RAB3IL1: variants seen among roughly 807,000 people sequenced by gnomAD.
The protein encoded by RAB3IL1 is guanine nucleotide exchange factor for Rab-3A.
Under a neutral mutation model 49.2 loss-of-function variants are expected in RAB3IL1, and 37 were observed. The observed-to-expected ratio is 0.75, with a 90% CI of 0.58 to 0.99. The LOEUF (loss-of-function observed/expected upper bound fraction) is 0.99. Among genes scored for constraint, RAB3IL1 ranks in the 50% least tolerant of loss-of-function variants. RAB3IL1 has a pLI of 0.00. For missense variants in RAB3IL1, 484 were observed against 513.0 expected (o/e 0.94, Z 0.55); for synonymous variants, 193 against 213.9 (o/e 0.90, Z 0.85).
In RAB3IL1 at chr11:61,904,559, A is replaced by G. The variant is rs772873803; in HGVS notation, c.886T>C (p.Cys296Arg). ...LPTVKVAEVD[C>R]SSTNTCALSG... ...CCCTCAGCTTACTTGGTGCTGCTAC[A>G]GTCAACCTCGGCCACCTTCACTGTG... Residue 296 changes from cysteine (C) to arginine (R), a missense_variant, in exon 7 of 10, where the codon TGT becomes CGT. Cys to Arg is a radical substitution (Grantham distance 180). Transcript: ENST00000394836. The G allele has an allele frequency of 9.9e-6, 16 of 1,611,016 alleles. No homozygotes were observed. The highest frequency in any genetic ancestry group is 4.4e-5 in the South Asian group (4 of 90,322).
rs376772201 is a variant in RAB3IL1 at position 61,904,756 on chromosome 11, C to T, written c.784G>A (p.Glu262Lys). 43 of 1,602,714 alleles carry T rather than the reference C, an allele frequency of 2.7e-5. No homozygotes were observed. The African/African-American group carries it at 4.5e-4, about 17-fold the overall frequency. ...VGPCLDFTMQELSVLVRAAVE... is the reference protein window; with the variant it reads ...VGPCLDFTMQKLSVLVRAAVE... Reference sequence around the variant, plus strand: ...GCCCCGCCCCTGCCATGCCTCACCTCCTGCATTGTGAAGTCCAGGCAGGGG... The same window carrying T: ...GCCCCGCCCCTGCCATGCCTCACCTTCTGCATTGTGAAGTCCAGGCAGGGG... Residue 262 changes from glutamate (E) to lysine (K), a missense_variant and splice_region_variant, in exon 6 of 10, where the codon GAG (glutamate) becomes AAG (lysine). By Grantham distance (56) the Glu-to-Lys change is moderately conservative (BLOSUM62 1). Transcript: ENST00000394836.
upstream of RAB3IL1, chr11:61,920,018 C>T: frequency 8.1e-7 from 1 of 1,240,954 alleles, no homozygotes; most frequent in Non-Finnish European, 1.0e-6. Context: ...CCCTCCCCTC[C>T]ATGCCCCAGG....
intron 7 of RAB3IL1, among the ~76,000 whole-genome samples, chr11:61,902,798 G>A (rs911098101): frequency 2.0e-5 from 3 of 152,182 alleles, no homozygotes; most frequent in African/African-American, 7.2e-5. Context: ...AGAGAGCTTG[G>A]TTAATCTCAT....
At chr11:61,934,443 T>TGTGTGTA in the RAB3IL1 span, among the ~76,000 whole-genome samples, 3 of 16,986 alleles carry the variant, frequency 1.8e-4, no homozygotes, top group Non-Finnish European at 3.0e-4. Flanking sequence ...TGTGTGTGTG[T>TGTGTGTA]GTGTATGTAT....
the RAB3IL1 span, among the ~76,000 whole-genome samples, chr11:61,938,713 G>A: frequency 6.6e-6 from 1 of 152,008 alleles, no homozygotes; most frequent in Admixed American, 6.6e-5. Flanking sequence ...ATCACCTGAG[G>A]TCAGGAATTC....
At chr11:61,904,313 G>A (rs1209842518) in intron 7 of RAB3IL1, among the ~76,000 whole-genome samples, 2 of 152,154 alleles carry the variant, frequency 1.3e-5, no homozygotes, top group East Asian at 1.9e-4. Context: ...AAGAAAAGAA[G>A]GGGAGGGCAC....
chr11:61,937,516 C>A, the RAB3IL1 span, among the ~76,000 whole-genome samples: 5 of 152,000 alleles, frequency 3.3e-5, no homozygotes, highest in African/African-American at 1.2e-4. Flanking sequence ...CTTTATTACC[C>A]AGGCTGGTCT....
In RAB3IL1 at chr11:61,898,650, C is replaced by A. The variant is rs1006201118; in HGVS notation, c.1067-290G>T. On this transcript the variant is annotated intron_variant, in intron 9 of 9. Coordinates refer to ENST00000394836, the MANE Select transcript of RAB3IL1 (RefSeq NM_013401.4). The surrounding 1 kb of genome is among the most constrained non-coding windows in gnomAD (Gnocchi z 5.1). ...AGGTACACGCTGTCACATGCCACAGCGGTGGTCCAGACCTGGGAACTACAT... is the reference window on the plus strand; with the variant it reads ...AGGTACACGCTGTCACATGCCACAGAGGTGGTCCAGACCTGGGAACTACAT... 6.6e-6 allele frequency among the ~76,000 whole-genome samples: 1 copy of A among 152,230 alleles called. No individual in the cohort carries two copies. The highest frequency in any genetic ancestry group is 1.5e-5 in the Non-Finnish European group (1 of 68,036).
intron 8 of RAB3IL1, 72 bp from the exon 9 acceptor site, chr11:61,899,452 T>C: frequency 3.4e-6 from 5 of 1,480,244 alleles, no homozygotes; most frequent in Non-Finnish European, 4.6e-6. Flanking sequence ...CGGATCTGAG[T>C]CCAGAGCAGG....
the RAB3IL1 span, among the ~76,000 whole-genome samples, chr11:61,931,655 G>A: frequency 6.6e-6 from 1 of 152,144 alleles, no homozygotes; most frequent in Non-Finnish European, 1.5e-5. Context: ...GGAGGAGAAG[G>A]AAGGCAAGGA....
upstream of RAB3IL1, among the ~76,000 whole-genome samples, chr11:61,919,672 T>C (rs1192380208): frequency 6.6e-6 from 1 of 152,154 alleles, no homozygotes; most frequent in Non-Finnish European, 1.5e-5. Context: ...ATAAAAGTTG[T>C]GTCCTCTGCC....
At chr11:61,937,712 C>A in the RAB3IL1 span, among the ~76,000 whole-genome samples, 1 of 150,958 alleles carries the variant, frequency 6.6e-6, no homozygotes, top group African/African-American at 2.4e-5. Flanking sequence ...ATATTTAACA[C>A]AATAGAAGGC....
At chr11:61,901,349 C>T (rs1414153375) in intron 8 of RAB3IL1, among the ~76,000 whole-genome samples, 2 of 152,170 alleles carry the variant, frequency 1.3e-5, no homozygotes, top group African/African-American at 2.4e-5. Flanking sequence ...CTGGGTCACT[C>T]GGCAGGGGAG....
the RAB3IL1 span, among the ~76,000 whole-genome samples, chr11:61,930,844 A>G: frequency 2.6e-5 from 4 of 152,194 alleles, no homozygotes; most frequent in Non-Finnish European, 5.9e-5. Context: ...GTCACTATGC[A>G]GTAATAATAA....
chr11:61,922,486 C>T (rs973806598), upstream of RAB3IL1, among the ~76,000 whole-genome samples: 1 of 151,898 alleles, frequency 6.6e-6, no homozygotes, highest in African/African-American at 2.4e-5. Context: ...CCCACCATTG[C>T]ACTCCAGCCT....
the RAB3IL1 span, among the ~76,000 whole-genome samples, chr11:61,935,322 A>G: frequency 6.6e-6 from 1 of 150,882 alleles, no homozygotes; most frequent in Non-Finnish European, 1.5e-5. Context: ...TGGGAGGCTG[A>G]GGCAGGAGAA....
the RAB3IL1 span, among the ~76,000 whole-genome samples, chr11:61,940,100 G>T: frequency 6.6e-6 from 1 of 152,076 alleles, no homozygotes; most frequent in Middle Eastern, 3.4e-3. Flanking sequence ...AGCTATGATC[G>T]TACCACTTCT....
chr11:61,936,514 G>A, the RAB3IL1 span, among the ~76,000 whole-genome samples: 13 of 152,296 alleles, frequency 8.5e-5, no homozygotes, highest in African/African-American at 3.1e-4. Context: ...GCTAATTTTT[G>A]TATATTTAGG....
At chr11:61,899,165 G>A in intron 9 of RAB3IL1, 149 bp downstream of exon 9, 1 of 888,008 alleles carries the variant, frequency 1.1e-6, no homozygotes, top group Non-Finnish European at 1.7e-6. Context: ...GGAAGTTTGT[G>A]AACGCTTTAC....
Sources: gnomAD v4.1 joint callset for allele counts (sites outside exome capture counted in the v4.1 genomes callset) on GRCh38, gnomAD v4.1.1 for gene constraint, Gnocchi (gnomAD v3.1) non-coding constraint, MANE v1.5 for transcripts, NCBI Gene and HGNC (gene_info 2026-07-23, HGNC 2026-07-21) for gene names.